The following NSMCE2 variants were observed in gnomAD, a reference collection of about 807,000 sequenced individuals.
NSMCE2 encodes E3 SUMO-protein ligase NSE2.
In NSMCE2, 24 loss-of-function variants were observed where a neutral mutation model predicts 23.8. The ratio of observed to expected loss-of-function variants is 1.01; its 90% confidence interval spans 0.73 to 1.42. The LOEUF (loss-of-function observed/expected upper bound fraction) is 1.42, where lower values mean the gene tolerates loss of function less well. Among genes scored for constraint, NSMCE2 ranks in the 40% most tolerant of loss-of-function variants. NSMCE2 has a pLI of 0.00. For missense variants in NSMCE2, 284 were observed against 296.5 expected (o/e 0.96, Z 0.31); for synonymous variants, 92 against 94.1 (o/e 0.98, Z 0.13).
intron 5 of NSMCE2, among the ~76,000 whole-genome samples, chr8:125,340,301 C>T (rs1368688205): frequency 6.6e-6 from 1 of 152,146 alleles, no homozygotes; most frequent in Non-Finnish European, 1.5e-5. Context: ...AAATGCTACT[C>T]GACTGTCATT....
chr8:125,171,566 C>T (rs1278942851), intron 4 of NSMCE2, among the ~76,000 whole-genome samples: 2 of 152,196 alleles, frequency 1.3e-5, no homozygotes, highest in Non-Finnish European at 2.9e-5. Context: ...GTGCTTACCT[C>T]AGTACCTTGC....
At chr8:125,105,587 A>T (rs186026945) in intron 3 of NSMCE2, among the ~76,000 whole-genome samples, 43 of 152,338 alleles carry the variant, frequency 2.8e-4, no homozygotes, top group African/African-American at 9.9e-4. Context: ...CTCTAAAGCC[A>T]AAGTTGGCAA....
chr8:125,102,630 G>T (rs1388942417), intron 3 of NSMCE2, 143 bp downstream of exon 3: 9 of 647,304 alleles, frequency 1.4e-5, no homozygotes, highest in Non-Finnish European at 2.5e-5. Flanking sequence ...TCTACACACC[G>T]CAGCAGGGTA....
intron 5 of NSMCE2, among the ~76,000 whole-genome samples, chr8:125,240,651 CA>C (rs1287499278): frequency 6.6e-6 from 1 of 152,106 alleles, no homozygotes; most frequent in African/African-American, 2.4e-5. Flanking sequence ...GCAATTTTAC[CA>C]TAAGGCTTGA....
In NSMCE2 at chr8:125,257,934, A is replaced by G. The variant is rs550958825; in HGVS notation, c.418+75678A>G. ...AAGAGTAGCTAGAGAAGAACACAGGAGCATGAGAGGGTGGTGGTGGTGGTT... is the reference window on the plus strand; with the variant it reads ...AAGAGTAGCTAGAGAAGAACACAGGGGCATGAGAGGGTGGTGGTGGTGGTT... On this transcript the variant is annotated intron_variant, in intron 5 of 7. Transcript: ENST00000287437. Among the ~76,000 whole-genome samples the G allele has an allele frequency of 2.6e-5, 4 of 152,336 alleles. No individual in the cohort carries two copies. The East Asian group carries it at 5.8e-4, about 22-fold the overall frequency.
intron 3 of NSMCE2, among the ~76,000 whole-genome samples, chr8:125,146,124 T>C (rs1165376380): frequency 6.6e-6 from 1 of 152,220 alleles, no homozygotes; most frequent in Non-Finnish European, 1.5e-5. Context: ...TTGGAAGTGT[T>C]GTTTTATGCT....
chr8:125,284,927 AAT>A (rs904168431), intron 5 of NSMCE2, among the ~76,000 whole-genome samples: 5 of 152,206 alleles, frequency 3.3e-5, no homozygotes, highest in African/African-American at 1.2e-4. Context: ...ACACCTGTGT[AAT>A]TTATTTTTAA....
At position 125,128,464 on chromosome 8, in the gene NSMCE2, A is replaced by G. The variant is rs182114573; in HGVS notation, c.158-22707A>G. Among the ~76,000 whole-genome samples, 41 of 152,320 alleles carry G rather than the reference A, an allele frequency of 2.7e-4. No individual in the cohort carries two copies. In the East Asian group the frequency reaches 7.5e-3, roughly 28 times the overall value. ...GAAATTGAGGAAAAGGAAGAAGTCA[A>G]TGGTGATACTCAAATTTCTGACATA... is the stretch of plus-strand genomic sequence containing the variant. On this transcript the variant is annotated intron_variant, in intron 3 of 7. Transcript: ENST00000287437.
chr8:125,209,842 A>G (rs567277852), intron 5 of NSMCE2, among the ~76,000 whole-genome samples: 1 of 152,308 alleles, frequency 6.6e-6, no homozygotes, highest in South Asian at 2.1e-4. Context: ...AGCTCTTATC[A>G]TTTCATGTAT....
At position 125,289,973 on chromosome 8, in the gene NSMCE2, C is replaced by T. The variant is rs117639451; in HGVS notation, c.419-67246C>T. Among the ~76,000 whole-genome samples the T allele has an allele frequency of 4.6e-5, 7 of 152,322 alleles. No homozygotes were observed. The East Asian group carries it at 1.3e-3, about 29-fold the overall frequency. On this transcript the variant is annotated intron_variant, in intron 5 of 7. Transcript: ENST00000287437. ...AACTAGCCACAAAAGCTGGTGTACACATGTGATAGTGTTTTTCACGGAGTT... is the reference window on the plus strand; with the variant it reads ...AACTAGCCACAAAAGCTGGTGTACATATGTGATAGTGTTTTTCACGGAGTT...
chr8:125,115,552 AC>A (rs1426009272), intron 3 of NSMCE2, among the ~76,000 whole-genome samples: 1 of 152,180 alleles, frequency 6.6e-6, no homozygotes, highest in Admixed American at 6.5e-5. Flanking sequence ...GGAGTTCAAG[AC>A]CACCCTAGCC....
chr8:125,145,072 C>G (rs1820599857), intron 3 of NSMCE2, among the ~76,000 whole-genome samples: 1 of 152,160 alleles, frequency 6.6e-6, no homozygotes, highest in South Asian at 2.1e-4. Context: ...TAGAGCACTT[C>G]ACTCTAAAAA....
At chr8:125,355,138 G>T (rs1485952838) in intron 5 of NSMCE2, among the ~76,000 whole-genome samples, 1 of 152,152 alleles carries the variant, frequency 6.6e-6, no homozygotes, top group African/African-American at 2.4e-5. Flanking sequence ...TCGGATAAGG[G>T]ATACTCAACC....
intron 5 of NSMCE2, chr8:125,182,501 G>A (rs1822877791): frequency 1.8e-6 from 1 of 548,504 alleles, no homozygotes; most frequent in South Asian, 2.5e-5. Flanking sequence ...AGCTAGTTAT[G>A]TGTATTGTCC....
chr8:125,317,913 T>C (rs1000198223), intron 5 of NSMCE2, among the ~76,000 whole-genome samples: 3 of 152,210 alleles, frequency 2.0e-5, no homozygotes, highest in African/African-American at 7.2e-5. Flanking sequence ...TTAGATGCCC[T>C]CAGTAAAGTC....
chr8:125,230,254 G>C (rs1400862074), intron 5 of NSMCE2, among the ~76,000 whole-genome samples: 1 of 152,042 alleles, frequency 6.6e-6, no homozygotes, highest in African/African-American at 2.4e-5. Flanking sequence ...TTTTCAAAAT[G>C]TCATTCTTAT....
At chr8:125,248,643 ACT>A (rs920679531) in intron 5 of NSMCE2, among the ~76,000 whole-genome samples, 18 of 151,768 alleles carry the variant, frequency 1.2e-4, no homozygotes, top group Admixed American at 1.1e-3. Flanking sequence ...ACAGAGCAAG[ACT>A]CCATCTCAAA....
At chr8:125,280,241 A>G (rs1225927246) in intron 5 of NSMCE2, among the ~76,000 whole-genome samples, 1 of 152,204 alleles carries the variant, frequency 6.6e-6, no homozygotes, top group Non-Finnish European at 1.5e-5. Context: ...CCTTTGCTGG[A>G]AGTTGGTTCA....
intron 5 of NSMCE2, among the ~76,000 whole-genome samples, chr8:125,276,881 C>T (rs1366056641): frequency 6.6e-6 from 1 of 152,194 alleles, no homozygotes; most frequent in Non-Finnish European, 1.5e-5. Context: ...TATTATTCCC[C>T]CACCTTGACC....
Sources: allele counts gnomAD v4.1 joint callset (sites outside exome capture counted in the v4.1 genomes callset), GRCh38; gene constraint gnomAD v4.1.1; transcripts MANE v1.5; gene names NCBI Gene and HGNC (gene_info 2026-07-23, HGNC 2026-07-21).